RBFOX1: variants seen among roughly 807,000 people sequenced by gnomAD.
RBFOX1 encodes the protein RNA binding fox-1 homolog 1, also known as RNA binding protein fox-1 homolog 1.
A neutral mutation model predicts 57.7 loss-of-function variants in RBFOX1; 8 were observed. The observed-to-expected ratio is 0.14, with a 90% CI of 0.08 to 0.25. The LOEUF (loss-of-function observed/expected upper bound fraction) is 0.25. Ranked by LOEUF, RBFOX1 falls within the 10% of genes least tolerant of loss-of-function variation. The pLI, the probability that RBFOX1 is intolerant of heterozygous loss-of-function variation, is 1.00. For synonymous variants in RBFOX1, 326 were observed against 222.4 expected (o/e 1.47, Z -4.15); for missense variants, 611 against 548.5 (o/e 1.11, Z -1.14).
Position 7,579,863 on chromosome 16 carries a change from G to C in RBFOX1, c.357G>C (p.Leu119=), listed in dbSNP as rs751076623. The change falls in exon 6 of 16, where the codon CTG becomes CTC. Residue 119 remains leucine, a synonymous_variant. Transcript: ENST00000550418. ...AAAACAAGTCTCAGCCCAAGCGGCT[G>C]CATGTCTCCAATATCCCCTTCAGGT... ...NTENKSQPKR[L]HVSNIPFRFR... 4 of 1,614,120 alleles carry C rather than the reference G, an allele frequency of 2.5e-6. No individual in the cohort carries two copies. The East Asian group carries it at 6.7e-5, about 27-fold the overall frequency.
At chr16:5,469,905 A>G (rs1377106311) in intron 2 of RBFOX1, among the ~76,000 whole-genome samples, 1 of 152,142 alleles carries the variant, frequency 6.6e-6, no homozygotes, top group East Asian at 1.9e-4. Flanking sequence ...CTAGGGGTGG[A>G]AATTTGGGTT....
At chr16:7,382,418 G>T (rs1018071193) in intron 4 of RBFOX1, among the ~76,000 whole-genome samples, 1 of 152,150 alleles carries the variant, frequency 6.6e-6, no homozygotes, top group Non-Finnish European at 1.5e-5. Context: ...CATTCACCTT[G>T]ATTATGACTA....
intron 2 of RBFOX1, among the ~76,000 whole-genome samples, chr16:6,479,446 G>A (rs890733635): frequency 2.6e-5 from 4 of 151,910 alleles, no homozygotes; most frequent in South Asian, 2.1e-4. Flanking sequence ...AATTTAGCCC[G>A]GCATGGTGGC....
chr16:7,177,107 T>C (rs543892671), intron 4 of RBFOX1, among the ~76,000 whole-genome samples: 1 of 152,346 alleles, frequency 6.6e-6, no homozygotes, highest in African/African-American at 2.4e-5. Context: ...CAACTCCATT[T>C]AGTATTGTAG....
chr16:6,158,224 G>A (rs1164277372), intron 1 of RBFOX1, among the ~76,000 whole-genome samples: 6 of 152,190 alleles, frequency 3.9e-5, no homozygotes, highest in Non-Finnish European at 7.3e-5. Context: ...GTCCGGCGGG[G>A]CCTTGGACTT....
intron 10 of RBFOX1, among the ~76,000 whole-genome samples, chr16:7,618,299 C>A (rs775440375): frequency 6.6e-6 from 1 of 152,140 alleles, no homozygotes; most frequent in African/African-American, 2.4e-5. Flanking sequence ...TCTATATTCA[C>A]ACTGAGTAAC....
chr16:6,485,705 A>G (rs2095464411), intron 2 of RBFOX1, among the ~76,000 whole-genome samples: 1 of 152,120 alleles, frequency 6.6e-6, no homozygotes, highest in Admixed American at 6.5e-5. Context: ...ATGTAAAAAG[A>G]GCAGAATCTT....
chr16:7,639,845 A>G (rs1331170339), intron 11 of RBFOX1, among the ~76,000 whole-genome samples: 1 of 152,154 alleles, frequency 6.6e-6, no homozygotes, highest in Non-Finnish European at 1.5e-5. Context: ...ACTAGGTGCC[A>G]TGCTCTCCCT....
intron 2 of RBFOX1, among the ~76,000 whole-genome samples, chr16:6,636,405 C>A (rs540378371): frequency 6.6e-6 from 1 of 151,980 alleles, no homozygotes; most frequent in Non-Finnish European, 1.5e-5. Context: ...CTCCTGACTT[C>A]GTGATCAGCC....
At chr16:5,545,825 A>C in intron 2 of RBFOX1, among the ~76,000 whole-genome samples, 1 of 152,188 alleles carries the variant, frequency 6.6e-6, no homozygotes, top group East Asian at 1.9e-4. Context: ...TAGTGGAATA[A>C]GTCACTTTAA....
intron 2 of RBFOX1, among the ~76,000 whole-genome samples, chr16:5,498,097 AG>A (rs747482251): frequency 7.0e-4 from 106 of 152,124 alleles, no homozygotes; most frequent in Non-Finnish European, 1.3e-3. Flanking sequence ...CAGACCCTGG[AG>A]GTCACTGAAG....
At chr16:5,971,188 A>T (rs576231056) in intron 4 of RBFOX1, among the ~76,000 whole-genome samples, 63 of 152,342 alleles carry the variant, frequency 4.1e-4, no homozygotes, top group African/African-American at 1.4e-3. Flanking sequence ...GCAGTGAACC[A>T]GACTTACTTA....
rs1555484700 is a variant in RBFOX1, at chr16:6,457,445, C to CT, written c.-64+140388_-64+140389insT. ...ACTGTGAATTTCCGGAAGTCCCCCCCCCCGCAATAGCTTTGATTTGACATG... is the reference window on the plus strand; with the variant it reads ...ACTGTGAATTTCCGGAAGTCCCCCCCTCCCGCAATAGCTTTGATTTGACATG... On this transcript the variant is annotated intron_variant, in intron 2 of 15. Transcript: ENST00000550418. 6.0e-4 allele frequency among the ~76,000 whole-genome samples: 20 copies of CT among 33,396 alleles called. No homozygotes were observed. The East Asian group carries it at 0.033, about 55-fold the overall frequency. The allele number at this position is 33,396 out of a possible 152,430, so 21.9% of individuals were successfully genotyped here. A position where few individuals can be genotyped will look rare whatever the true frequency, so the allele number is the denominator to read the frequency against.
intron 3 of RBFOX1, among the ~76,000 whole-genome samples, chr16:7,030,083 A>G (rs8064011): frequency 0.77 from 116,700 of 152,086 alleles, 44,970 homozygotes; most frequent in East Asian, 0.92. Flanking sequence ...AAACATTATT[A>G]CAAATTGGTG....
intron 2 of RBFOX1, among the ~76,000 whole-genome samples, chr16:6,629,201 G>A (rs1420432677): frequency 6.6e-6 from 1 of 152,202 alleles, no homozygotes; most frequent in Non-Finnish European, 1.5e-5. Context: ...TTGTAATTGT[G>A]ATGGAAGTTC....
intron 3 of RBFOX1, among the ~76,000 whole-genome samples, chr16:5,671,163 T>G (rs2050001979): frequency 6.6e-6 from 1 of 152,228 alleles, no homozygotes; most frequent in Non-Finnish European, 1.5e-5. Flanking sequence ...GAGTGCCCAG[T>G]GGATGCTATT....
At chr16:6,341,959 C>G (rs1034207998) in intron 2 of RBFOX1, among the ~76,000 whole-genome samples, 2 of 152,198 alleles carry the variant, frequency 1.3e-5, no homozygotes, top group African/African-American at 4.8e-5. Context: ...GATTAGCAAC[C>G]TTAATTCCAT....
chr16:7,343,152 C>T (rs1204277270), intron 4 of RBFOX1, among the ~76,000 whole-genome samples: 2 of 152,118 alleles, frequency 1.3e-5, no homozygotes, highest in Non-Finnish European at 2.9e-5. Context: ...ACCGTGGGCG[C>T]TTAATAAATG....
At chr16:5,566,372 G>A (rs996071312) in intron 2 of RBFOX1, among the ~76,000 whole-genome samples, 1 of 152,032 alleles carries the variant, frequency 6.6e-6, no homozygotes, top group Non-Finnish European at 1.5e-5. Flanking sequence ...TGCAAATGGT[G>A]GCACGGTACA....
Sources: allele counts gnomAD v4.1 joint callset (sites outside exome capture counted in the v4.1 genomes callset), GRCh38; gene constraint gnomAD v4.1.1; transcripts MANE v1.5; gene names NCBI Gene and HGNC (gene_info 2026-07-23, HGNC 2026-07-21).